USP15: variants seen among roughly 807,000 people sequenced by gnomAD.
USP15 encodes ubiquitin carboxyl-terminal hydrolase 15.
Under a neutral mutation model 127.1 loss-of-function variants are expected in USP15, and 18 were observed. That is an observed-to-expected ratio of 0.14 (90% CI 0.10 to 0.21). The LOEUF is 0.21. Ranked by LOEUF, USP15 falls within the 10% of genes least tolerant of loss-of-function variation. The pLI, the probability that USP15 is intolerant of heterozygous loss-of-function variation, is 1.00. For synonymous variants in USP15, 364 were observed against 393.7 expected (o/e 0.92, Z 0.89); for missense variants, 805 against 1,159.9 (o/e 0.69, Z 4.44).
intron 18 of USP15, 117 bp downstream of exon 18, chr12:62,392,504 AGG>A: frequency 1.4e-6 from 1 of 708,328 alleles, no homozygotes; most frequent in Non-Finnish European, 2.3e-6. Flanking sequence ...TAAATAGTAA[AGG>A]ATTCTTTATA....
rs1234401294 is a variant in USP15, at chr12:62,407,196, C to T, written c.*2821C>T. 2 of 152,180 alleles carry T rather than the reference C, an allele frequency of 1.3e-5. No homozygotes were observed. Among genetic ancestry groups the T allele is most frequent in the Non-Finnish European group, 2.9e-5 (2 of 68,034 alleles). 9.4% of individuals were successfully genotyped at this position (152,180 alleles called of 1,614,324 possible). On this transcript the variant is annotated 3_prime_UTR_variant, in exon 22 of 22. Coordinates refer to ENST00000280377, the MANE Select transcript of USP15 (RefSeq NM_001252078.2). Reference sequence around the variant, plus strand: ...TGCATTCTCTCATTTAATCCCACAACAGCTATGAGGTAGGGATAGTTGTCA... The same window carrying T: ...TGCATTCTCTCATTTAATCCCACAATAGCTATGAGGTAGGGATAGTTGTCA...
intron 1 of USP15, among the ~76,000 whole-genome samples, chr12:62,278,414 A>T (rs1337609838): frequency 6.6e-6 from 1 of 152,220 alleles, no homozygotes; most frequent in African/African-American, 2.4e-5. Context: ...ATTATTGTCA[A>T]GTATTATATG....
intron 1 of USP15, among the ~76,000 whole-genome samples, chr12:62,281,868 T>C (rs2063658479): frequency 6.6e-6 from 1 of 152,152 alleles, no homozygotes; most frequent in South Asian, 2.1e-4. Flanking sequence ...ACAGTTGACA[T>C]AGAAATGTAT....
At chr12:62,289,738 T>TGTGTGTGTGTGTGTG (rs199809868) in intron 1 of USP15, among the ~76,000 whole-genome samples, 1 of 151,128 alleles carries the variant, frequency 6.6e-6, no homozygotes, top group African/African-American at 2.4e-5. Context: ...TGTGTGTGTG[T>TGTGTGTGTGTGTGTG]TTAGACAGCA....
At chr12:62,332,229 A>C (rs754000950) in intron 6 of USP15, among the ~76,000 whole-genome samples, 5 of 151,738 alleles carry the variant, frequency 3.3e-5, no homozygotes, top group Admixed American at 6.6e-5. Context: ...AAAGAATTTG[A>C]AATTTTTATT....
At position 62,415,940 on chromosome 12, in the gene USP15, C is replaced by G. The variant is rs2068144417; in HGVS notation, c.*11565C>G. 1 of 152,192 alleles carries G rather than the reference C, an allele frequency of 6.6e-6. No homozygotes were observed. The highest frequency in any genetic ancestry group is 2.4e-5 in the African/African-American group (1 of 41,454). The allele number at this position is 152,192 out of a possible 1,614,324, so 9.4% of individuals were successfully genotyped here. Reference sequence around the variant, plus strand: ...GTTCCTTCCTTATGAATGAGAGCAGCTCTCTGTTCAATACGATTCATACTC... The same window carrying G: ...GTTCCTTCCTTATGAATGAGAGCAGGTCTCTGTTCAATACGATTCATACTC... On this transcript the variant is annotated 3_prime_UTR_variant, in exon 22 of 22. Transcript: ENST00000280377.
intron 8 of USP15, among the ~76,000 whole-genome samples, chr12:62,367,190 T>G (rs2066505747): frequency 6.6e-6 from 1 of 152,044 alleles, no homozygotes; most frequent in Non-Finnish European, 1.5e-5. Flanking sequence ...GGTAGACTAT[T>G]AATTACTGCC....
rs2067870823 is a variant in USP15 at position 62,406,422 on chromosome 12, A to G, written c.*2047A>G. The G allele has an allele frequency of 1.3e-5, 2 of 152,166 alleles. No individual in the cohort carries two copies. The highest frequency in any genetic ancestry group is 4.1e-4 in the South Asian group (2 of 4,832). 9.4% of individuals were successfully genotyped at this position (152,166 alleles called of 1,614,324 possible). ...TCTGCCATCTACCAACTAATGAACT[A>G]TATTTCCATTTTTCTGAAGATTTAA... On this transcript the variant is annotated 3_prime_UTR_variant, in exon 22 of 22. Transcript: ENST00000280377.
At chr12:62,305,775 A>G (rs2064466841) in intron 3 of USP15, 1 of 152,174 alleles carries the variant, frequency 6.6e-6, no homozygotes, top group Non-Finnish European at 1.5e-5. Context: ...CCTCATATCC[A>G]TATTCTTGGG....
In USP15 at chr12:62,409,324, A is replaced by G. The variant is rs2067979926; in HGVS notation, c.*4949A>G. ...ACGTAATATATTGGACTACAGTCTC[A>G]AAGGACAGAGAGAAAATCAGTCAAA... On this transcript the variant is annotated 3_prime_UTR_variant, in exon 22 of 22. Coordinates refer to ENST00000280377, the MANE Select transcript of USP15 (RefSeq NM_001252078.2). 6.6e-6 allele frequency: 1 copy of G among 152,192 alleles called. No homozygotes were observed. The highest frequency in any genetic ancestry group is 6.5e-5 in the Admixed American group (1 of 15,270). 9.4% of individuals were successfully genotyped at this position (152,192 alleles called of 1,614,324 possible).
chr12:62,322,273 A>G (rs943270956), intron 5 of USP15, among the ~76,000 whole-genome samples: 3 of 152,030 alleles, frequency 2.0e-5, no homozygotes, highest in South Asian at 4.2e-4. Flanking sequence ...GACTGCAGAC[A>G]TGTGCCACCA....
chr12:62,355,897 A>G (rs2066113863), intron 8 of USP15, among the ~76,000 whole-genome samples: 1 of 130,520 alleles, frequency 7.7e-6, no homozygotes, highest in Non-Finnish European at 1.6e-5. Context: ...TTCTTTTTGT[A>G]TACATACTTT....
intron 21 of USP15, among the ~76,000 whole-genome samples, chr12:62,401,669 T>C (rs1163901417): frequency 6.6e-6 from 1 of 151,904 alleles, no homozygotes; most frequent in East Asian, 1.9e-4. Context: ...TTTAAAGTCA[T>C]ATCCTGCCTT....
At chr12:62,347,675 T>C (rs1316548581) in intron 6 of USP15, among the ~76,000 whole-genome samples, 2 of 152,140 alleles carry the variant, frequency 1.3e-5, no homozygotes, top group African/African-American at 4.8e-5. Flanking sequence ...TTAAAATTAC[T>C]TTTTAAGTGT....
At chr12:62,381,240 T>C (rs1258335147) in intron 8 of USP15, among the ~76,000 whole-genome samples, 1 of 152,106 alleles carries the variant, frequency 6.6e-6, no homozygotes, top group Non-Finnish European at 1.5e-5. Flanking sequence ...GTGGTTAAAA[T>C]TAATGCAGAT....
intron 8 of USP15, chr12:62,374,617 C>T (rs2066766192): frequency 1.0e-6 from 1 of 963,266 alleles, no homozygotes; most frequent in Admixed American, 6.2e-5. Flanking sequence ...TGACTGAAGA[C>T]TTGAGATTTG....
intron 1 of USP15, among the ~76,000 whole-genome samples, chr12:62,272,162 T>C (rs2063358696): frequency 1.3e-5 from 2 of 151,870 alleles, no homozygotes; most frequent in Admixed American, 1.3e-4. Context: ...TCAAATATAA[T>C]TTAAGCATTT....
chr12:62,388,049 G>C (rs1383497977), intron 11 of USP15, among the ~76,000 whole-genome samples: 1 of 151,134 alleles, frequency 6.6e-6, no homozygotes, highest in East Asian at 2.0e-4. Context: ...CTGTTTTTGA[G>C]ATGAAATAGG....
At chr12:62,338,102 G>A (rs2065531172) in intron 6 of USP15, among the ~76,000 whole-genome samples, 1 of 152,184 alleles carries the variant, frequency 6.6e-6, no homozygotes, top group Admixed American at 6.5e-5. Context: ...CACCAGTAGT[G>A]TAAAAGCATT....
Sources: gnomAD v4.1 joint callset for allele counts (sites outside exome capture counted in the v4.1 genomes callset) on GRCh38, gnomAD v4.1.1 for gene constraint, MANE v1.5 for transcripts, NCBI Gene and HGNC (gene_info 2026-07-23, HGNC 2026-07-21) for gene names.